Variants in SMOC2 observed in about 807,000 individuals in gnomAD.
SMOC2 encodes the protein SPARC related modular calcium binding 2, also known as SPARC-related modular calcium-binding protein 2.
In SMOC2, 39 loss-of-function variants were observed where a neutral mutation model predicts 61.4. The ratio of observed to expected loss-of-function variants is 0.64; its 90% CI spans 0.49 to 0.83. The LOEUF is 0.83. Among genes scored for constraint, SMOC2 ranks in the 40% least tolerant of loss-of-function variants. The pLI, the probability that SMOC2 is intolerant of heterozygous loss-of-function variation, is 0.00. For missense variants in SMOC2, 556 were observed against 592.9 expected, an observed-to-expected ratio of 0.94 and a Z score of 0.65; for synonymous variants, 247 against 239.9, an observed-to-expected ratio of 1.03 and a Z score of -0.27.
intron 9 of SMOC2, among the ~76,000 whole-genome samples, chr6:168,610,192 T>C (rs901621397): frequency 1.3e-5 from 2 of 152,186 alleles, no homozygotes; most frequent in African/African-American, 4.8e-5. Flanking sequence ...ACCATGCTCC[T>C]CTCTGCTAAA....
intron 1 of SMOC2, among the ~76,000 whole-genome samples, chr6:168,507,493 G>C (rs931855426): frequency 6.6e-6 from 1 of 152,184 alleles, no homozygotes; most frequent in Non-Finnish European, 1.5e-5. Context: ...CCTGTGACTC[G>C]GAAGCATTTT....
rs368250137 is a variant in SMOC2 at position 168,493,295 on chromosome 6, C to T, written c.85-16620C>T. On this transcript the variant is annotated intron_variant, in intron 1 of 12. Transcript: ENST00000356284. ...CAGGAGATCCACCTGCCTCGGCCTC[C>T]CAAAGTGCTGGGATTACAGGTGTGA... 5.3e-5 allele frequency among the ~76,000 whole-genome samples: 8 copies of T among 152,082 alleles called. No homozygotes were observed. The East Asian group carries it at 1.4e-3, about 26-fold the overall frequency.
intron 4 of SMOC2, among the ~76,000 whole-genome samples, chr6:168,542,691 C>T (rs1583096031): frequency 6.6e-6 from 1 of 152,054 alleles, no homozygotes; most frequent in Non-Finnish European, 1.5e-5. Flanking sequence ...ATGGATGGCG[C>T]CTTGAAGTTA....
rs191041255 is a variant in SMOC2 at position 168,535,624 on chromosome 6, T to C, written c.463+7897T>C. On this transcript the variant is annotated intron_variant, in intron 4 of 12. Coordinates refer to ENST00000356284, the MANE Select transcript of SMOC2 (RefSeq NM_001166412.2). This position sits in a 1 kb window ranked among gnomAD's most constrained non-coding sequence, Gnocchi z 4.6. ...AAGCATAAAAGCCGGTGCCACAAAG[T>C]CCACCGAAACCCTCCTCCAAGTCCA... Among the ~76,000 whole-genome samples, 432 of 152,212 alleles carry C rather than the reference T, an allele frequency of 2.8e-3. 4 individuals are homozygous for C. The highest frequency in any genetic ancestry group is 0.01 in the Middle Eastern group (3 of 294).
At chr6:168,543,886 G>A (rs1299026703) in intron 5 of SMOC2, among the ~76,000 whole-genome samples, 1 of 152,148 alleles carries the variant, frequency 6.6e-6, no homozygotes, top group Non-Finnish European at 1.5e-5. Context: ...TTGGACCTGT[G>A]CTCCGAGGCT....
At position 168,527,623 on chromosome 6, in the gene SMOC2, C is replaced by T. The variant is rs546206242; in HGVS notation, c.364-5C>T. On this transcript the variant is annotated splice_polypyrimidine_tract_variant and splice_region_variant and intron_variant, in intron 3 of 12. Coordinates refer to ENST00000356284, the MANE Select transcript of SMOC2 (RefSeq NM_001166412.2). ...AGGGCTTACCCGTCCTGTGCTCTCT[C>T]GCAGGTCCAGTGTCACAGCTACACG... 1.1e-4 allele frequency: 164 copies of T among 1,548,700 alleles called. No homozygotes were observed. The South Asian group carries it at 1.7e-3, about 16-fold the overall frequency.
intron 9 of SMOC2, among the ~76,000 whole-genome samples, chr6:168,624,304 A>G (rs1285053302): frequency 2.6e-5 from 4 of 152,338 alleles, no homozygotes; most frequent in Middle Eastern, 6.8e-3. Flanking sequence ...GTGGTGACCT[A>G]TCCAACCCAC....
chr6:168,538,198 TCTGGGGA>T (rs1783781385), intron 4 of SMOC2, among the ~76,000 whole-genome samples: 1 of 127,312 alleles, frequency 7.9e-6, no homozygotes, highest in African/African-American at 3.1e-5. Context: ...CCTGCTGGAA[TCTGGGGA>T]GTGGGGTGAC....
At chr6:168,466,032 C>T (rs1456080198) in intron 1 of SMOC2, among the ~76,000 whole-genome samples, 2 of 97,990 alleles carry the variant, frequency 2.0e-5, no homozygotes, top group Admixed American at 1.2e-4. Context: ...CTGGATGAAG[C>T]GACGTGCTGC....
At chr6:168,472,241 G>T (rs777351944) in intron 1 of SMOC2, among the ~76,000 whole-genome samples, 1 of 152,126 alleles carries the variant, frequency 6.6e-6, no homozygotes, top group Non-Finnish European at 1.5e-5. Context: ...TTAGGTAAGG[G>T]TCCAACTTCG....
chr6:168,583,377 C>T (rs2115162341), intron 7 of SMOC2, among the ~76,000 whole-genome samples: 1 of 152,314 alleles, frequency 6.6e-6, no homozygotes, highest in African/African-American at 2.4e-5. Flanking sequence ...CTGGGCTCAG[C>T]CCTGCCCTGC....
At chr6:168,510,630 G>A (rs1782984376) in intron 2 of SMOC2, among the ~76,000 whole-genome samples, 1 of 152,184 alleles carries the variant, frequency 6.6e-6, no homozygotes, top group Non-Finnish European at 1.5e-5. Flanking sequence ...GTTTGTCATA[G>A]TATCTAGGAA....
intron 1 of SMOC2, among the ~76,000 whole-genome samples, chr6:168,450,791 G>T (rs527580638): frequency 1.3e-5 from 2 of 152,178 alleles, no homozygotes; most frequent in Admixed American, 6.5e-5. Context: ...ACTTAAACCC[G>T]AACGTGACCT....
At chr6:168,663,664 C>A (rs1787577533) in intron 11 of SMOC2, among the ~76,000 whole-genome samples, 1 of 152,120 alleles carries the variant, frequency 6.6e-6, no homozygotes, top group Non-Finnish European at 1.5e-5. Flanking sequence ...ATATAGTTAG[C>A]TCTTCTGTGG....
At chr6:168,577,176 T>A (rs1562358793) in intron 7 of SMOC2, among the ~76,000 whole-genome samples, 1 of 152,130 alleles carries the variant, frequency 6.6e-6, no homozygotes, top group Non-Finnish European at 1.5e-5. Flanking sequence ...CATCTAAACA[T>A]GCTTTCCTCT....
intron 3 of SMOC2, among the ~76,000 whole-genome samples, chr6:168,526,796 GTTTGAT>G (rs1397334252): frequency 6.6e-6 from 1 of 152,136 alleles, no homozygotes; most frequent in Non-Finnish European, 1.5e-5. Context: ...TTTAATTTTA[GTTTGAT>G]TTTAATTATG....
At chr6:168,470,673 T>A (rs897825293) in intron 1 of SMOC2, among the ~76,000 whole-genome samples, 3 of 151,974 alleles carry the variant, frequency 2.0e-5, no homozygotes, top group Non-Finnish European at 2.9e-5. Flanking sequence ...CAGGACTCCA[T>A]CTGAAAAAAG....
chr6:168,479,760 AG>A (rs1782167744), intron 1 of SMOC2, among the ~76,000 whole-genome samples: 2 of 150,892 alleles, frequency 1.3e-5, no homozygotes, highest in Admixed American at 6.6e-5. Flanking sequence ...TGTTGATAAC[AG>A]GGGTGCAGAC....
At chr6:168,531,558 G>A (rs569778584) in intron 4 of SMOC2, among the ~76,000 whole-genome samples, 1 of 152,164 alleles carries the variant, frequency 6.6e-6, no homozygotes, top group Non-Finnish European at 1.5e-5. Flanking sequence ...GAAAGACCCA[G>A]GGGGGATTTG....
Sources: gnomAD v4.1 joint callset for allele counts (sites outside exome capture counted in the v4.1 genomes callset) on GRCh38, gnomAD v4.1.1 for gene constraint, Gnocchi (gnomAD v3.1) non-coding constraint, MANE v1.5 for transcripts, NCBI Gene and HGNC (gene_info 2026-07-23, HGNC 2026-07-21) for gene names.